Variants in DHX32 observed in about 807,000 individuals in gnomAD.
DHX32 encodes the protein putative pre-mRNA-splicing factor ATP-dependent RNA helicase DHX32.
Under a neutral mutation model 70.0 loss-of-function variants are expected in DHX32, and 51 were observed. That is an observed-to-expected ratio of 0.73 (90% CI 0.58 to 0.92). The LOEUF (loss-of-function observed/expected upper bound fraction) is 0.92. DHX32 is among the 40% of genes least tolerant of loss of function. DHX32 has a pLI of 0.00. For synonymous variants in DHX32, 310 were observed against 315.3 expected (o/e 0.98, Z 0.18); for missense variants, 762 against 891.8 (o/e 0.85, Z 1.85).
intron 7 of DHX32, chr10:125,841,311 A>G (rs1423270741): frequency 6.2e-7 from 1 of 1,614,238 alleles, no homozygotes; most frequent in South Asian, 1.1e-5. Context: ...GATTGGAACC[A>G]GTTCCGATAC....
intron 1 of DHX32, among the ~76,000 whole-genome samples, chr10:125,867,735 CAA>C (rs1255031059): frequency 1.8e-4 from 10 of 56,456 alleles, no homozygotes; most frequent in Non-Finnish European, 2.8e-4. Context: ...GACTCCGTCT[CAA>C]AAAAAAAAAA....
Position 125,836,546 on chromosome 10 carries a change from A to C in DHX32, c.*141T>G. 1 of 1,333,478 alleles carries C rather than the reference A, an allele frequency of 7.5e-7. No homozygotes were observed. The highest frequency in any genetic ancestry group is 9.8e-7 in the Non-Finnish European group (1 of 1,015,946). 82.6% of individuals were successfully genotyped at this position (1,333,478 alleles called of 1,614,324 possible). A position where few individuals can be genotyped will look rare whatever the true frequency, so the allele number is the denominator to read the frequency against. On this transcript the variant is annotated 3_prime_UTR_variant, in exon 11 of 11. Coordinates refer to ENST00000284690, the MANE Select transcript of DHX32 (RefSeq NM_018180.3). ...ATAAAAACTTCTATTTTTTATTTTA[A>C]AATAATATACACAGTGTTATTTTCT...
At chr10:125,842,791 T>G (rs911581234) in intron 6 of DHX32, 19 of 948,692 alleles carry the variant, frequency 2.0e-5, no homozygotes, top group African/African-American at 1.4e-4. Context: ...AATAAAGAAA[T>G]AAAGATAGCA....
chr10:125,852,181 CCCCT>C, intron 6 of DHX32, 108 bp downstream of exon 6: 1 of 1,337,496 alleles, frequency 7.5e-7, no homozygotes, highest in Non-Finnish European at 1.0e-6. Flanking sequence ...AAACCAACGC[CCCCT>C]CCATGCTTGT....
At chr10:125,894,189 C>T (rs1944387802) in intron 1 of DHX32, among the ~76,000 whole-genome samples, 2 of 151,812 alleles carry the variant, frequency 1.3e-5, no homozygotes, top group African/African-American at 4.8e-5. Flanking sequence ...TGGTAGAAAA[C>T]TCCAAAAAGG....
intron 2 of DHX32, among the ~76,000 whole-genome samples, chr10:125,863,301 T>C (rs1263582233): frequency 6.6e-6 from 1 of 152,096 alleles, no homozygotes; most frequent in African/African-American, 2.4e-5. Context: ...AAGAACAAAG[T>C]TGTTACATAT....
chr10:125,873,874 A>C (rs1007119718), intron 1 of DHX32, among the ~76,000 whole-genome samples: 4 of 152,248 alleles, frequency 2.6e-5, no homozygotes, highest in Non-Finnish European at 5.9e-5. Context: ...TACTCAGTCA[A>C]TAGAAGTACA....
At chr10:125,861,365 C>T (rs771955231) in intron 2 of DHX32, among the ~76,000 whole-genome samples, 4 of 151,954 alleles carry the variant, frequency 2.6e-5, no homozygotes, top group African/African-American at 7.2e-5. Context: ...GGAGTAGTGG[C>T]GGGCGCCTGT....
At chr10:125,857,809 C>T (rs1164453615) in intron 3 of DHX32, among the ~76,000 whole-genome samples, 1 of 152,046 alleles carries the variant, frequency 6.6e-6, no homozygotes, top group Non-Finnish European at 1.5e-5. Flanking sequence ...TTTGCTTACC[C>T]TGACTTGAAG....
chr10:125,878,107 A>C (rs1944294988), intron 1 of DHX32, among the ~76,000 whole-genome samples: 1 of 152,216 alleles, frequency 6.6e-6, no homozygotes, highest in South Asian at 2.1e-4. Flanking sequence ...CAACAAACTG[A>C]ATAATAAGTA....
chr10:125,864,078 C>T (rs768335991), intron 2 of DHX32, among the ~76,000 whole-genome samples: 1 of 152,150 alleles, frequency 6.6e-6, no homozygotes, highest in Non-Finnish European at 1.5e-5. Context: ...TGCCTCCTCT[C>T]CAGAGCATGG....
intron 9 of DHX32, 51 bp downstream of exon 9, chr10:125,838,950 G>T: frequency 6.5e-7 from 1 of 1,547,232 alleles, no homozygotes. Flanking sequence ...CATATCCTGA[G>T]TATGTGCAAT....
At chr10:125,850,739 C>A (rs1944080484) in intron 6 of DHX32, among the ~76,000 whole-genome samples, 1 of 152,204 alleles carries the variant, frequency 6.6e-6, no homozygotes, top group Non-Finnish European at 1.5e-5. Flanking sequence ...TTTGGGTTCA[C>A]TTTTCTTTTC....
chr10:125,888,073 C>T (rs1212082182), intron 1 of DHX32, among the ~76,000 whole-genome samples: 1 of 152,104 alleles, frequency 6.6e-6, no homozygotes, highest in African/African-American at 2.4e-5. Context: ...TGATCTGACT[C>T]ATAGTTTGTA....
intron 10 of DHX32, among the ~76,000 whole-genome samples, chr10:125,837,534 C>G (rs1043531477): frequency 6.6e-6 from 1 of 152,162 alleles, no homozygotes; most frequent in Admixed American, 6.5e-5. Flanking sequence ...CTCAAGCGAT[C>G]CTCTGTCGCA....
chr10:125,840,569 C>T (rs1854849698), intron 8 of DHX32, among the ~76,000 whole-genome samples: 1 of 152,228 alleles, frequency 6.6e-6, no homozygotes. Flanking sequence ...CGTCACCATG[C>T]CCCAAGCAAG....
At chr10:125,873,452 C>T (rs770115753) in intron 1 of DHX32, among the ~76,000 whole-genome samples, 13 of 152,118 alleles carry the variant, frequency 8.5e-5, no homozygotes, top group African/African-American at 1.4e-4. Flanking sequence ...CTGCTTTCTT[C>T]TCTTAATGTC....
chr10:125,837,063 T>G (rs1340236560), intron 10 of DHX32, among the ~76,000 whole-genome samples: 1 of 152,330 alleles, frequency 6.6e-6, no homozygotes, highest in African/African-American at 2.4e-5. Flanking sequence ...CTAGAATAAG[T>G]TGGCCTCTCT....
At chr10:125,855,073 T>A (rs1944134309) in intron 3 of DHX32, among the ~76,000 whole-genome samples, 1 of 151,752 alleles carries the variant, frequency 6.6e-6, no homozygotes, top group African/African-American at 2.4e-5. Flanking sequence ...AATACAAAAA[T>A]TAGCTGGGCA....
Sources: allele counts gnomAD v4.1 joint callset (sites outside exome capture counted in the v4.1 genomes callset), GRCh38; gene constraint gnomAD v4.1.1; transcripts MANE v1.5; gene names NCBI Gene and HGNC (gene_info 2026-07-23, HGNC 2026-07-21).